The following ATRNL1 variants were observed in gnomAD, a reference collection of about 807,000 sequenced individuals.
ATRNL1 encodes the protein attractin-like protein 1.
ATRNL1 carries 95 observed loss-of-function variants against 182.7 expected under a neutral mutation model. The ratio of observed to expected loss-of-function variants is 0.52; its 90% CI spans 0.44 to 0.62. The LOEUF is 0.62. Ranked by LOEUF, ATRNL1 falls within the 20% of genes least tolerant of loss-of-function variation. The pLI is 0.00. For missense variants in ATRNL1, 1,471 were observed against 1,679.5 expected (o/e 0.88, Z 2.17); for synonymous variants, 576 against 568.3 (o/e 1.01, Z -0.19).
intron 20 of ATRNL1, among the ~76,000 whole-genome samples, chr10:115,407,531 G>A (rs879983757): frequency 6.6e-6 from 1 of 151,746 alleles, no homozygotes; most frequent in Non-Finnish European, 1.5e-5. Context: ...ATGTCTTCCA[G>A]TTCCATCCAT....
intron 15 of ATRNL1, among the ~76,000 whole-genome samples, chr10:115,299,514 G>A (rs568082309): frequency 4.6e-5 from 7 of 152,142 alleles, no homozygotes; most frequent in African/African-American, 1.7e-4. Context: ...GAGAGAGGCA[G>A]TTATTCTTCT....
chr10:115,668,849 T>C (rs979723679), intron 26 of ATRNL1, among the ~76,000 whole-genome samples: 1 of 152,126 alleles, frequency 6.6e-6, no homozygotes, highest in Non-Finnish European at 1.5e-5. Context: ...GTTTTAACAA[T>C]TGAAATTTAA....
chr10:115,153,455 C>G lies in ATRNL1; in HGVS notation c.830-6585C>G, dbSNP rs1175171083. Among the ~76,000 whole-genome samples, 97 of 152,206 alleles carry G rather than the reference C, an allele frequency of 6.4e-4. 1 individual carries two copies. The highest frequency in any genetic ancestry group is 2.3e-3 in the African/African-American group (95 of 41,516). On this transcript the variant is annotated intron_variant, in intron 5 of 28. Coordinates refer to ENST00000355044, the MANE Select transcript of ATRNL1 (RefSeq NM_207303.4). ...TTAGTCTTGGGAGGGTGTATGTGTCCAGGAATTTATCCATTTCTTCTAGAT... is the reference window on the plus strand; with the variant it reads ...TTAGTCTTGGGAGGGTGTATGTGTCGAGGAATTTATCCATTTCTTCTAGAT...
At chr10:115,726,893 A>G (rs1317985891) in intron 26 of ATRNL1, among the ~76,000 whole-genome samples, 1 of 150,340 alleles carries the variant, frequency 6.7e-6, no homozygotes, top group Non-Finnish European at 1.5e-5. Flanking sequence ...CAAAAATCTG[A>G]GTTATTTTGA....
intron 28 of ATRNL1, among the ~76,000 whole-genome samples, chr10:115,897,387 C>T (rs1555112750): frequency 6.6e-6 from 1 of 152,110 alleles, no homozygotes. Context: ...CTAGCAACCC[C>T]TCTTAGGAAT....
intron 28 of ATRNL1, among the ~76,000 whole-genome samples, chr10:115,862,803 A>G (rs1951345603): frequency 6.6e-6 from 1 of 152,228 alleles, no homozygotes; most frequent in African/African-American, 2.4e-5. Context: ...AACCTGAATG[A>G]CCATACATAG....
chr10:115,256,435 A>T (rs575662135), intron 10 of ATRNL1, among the ~76,000 whole-genome samples: 1 of 152,062 alleles, frequency 6.6e-6, no homozygotes, highest in African/African-American at 2.4e-5. Context: ...AGAGGTGTTT[A>T]TAGTATTCTC....
At chr10:115,408,579 T>C (rs1298110153) in intron 20 of ATRNL1, among the ~76,000 whole-genome samples, 1 of 152,130 alleles carries the variant, frequency 6.6e-6, no homozygotes, top group East Asian at 1.9e-4. Flanking sequence ...TTGATATAGT[T>C]ATATTTGTTA....
chr10:115,112,459 C>A (rs1181608856), intron 1 of ATRNL1, among the ~76,000 whole-genome samples: 3 of 152,064 alleles, frequency 2.0e-5, no homozygotes, highest in African/African-American at 4.8e-5. Flanking sequence ...AAACTCATAC[C>A]AAATTGTTAT....
At chr10:115,231,994 A>T (rs946748192) in intron 9 of ATRNL1, among the ~76,000 whole-genome samples, 1 of 152,136 alleles carries the variant, frequency 6.6e-6, no homozygotes, top group African/African-American at 2.4e-5. Flanking sequence ...GTGCGAACGC[A>T]GAGTCTTTTT....
At chr10:115,807,922 A>G (rs1417799042) in intron 27 of ATRNL1, among the ~76,000 whole-genome samples, 1 of 152,126 alleles carries the variant, frequency 6.6e-6, no homozygotes, top group Non-Finnish European at 1.5e-5. Context: ...GTCGGTTTTA[A>G]TTTCCCGAGT....
intron 27 of ATRNL1, among the ~76,000 whole-genome samples, chr10:115,728,436 T>C (rs1947684017): frequency 6.6e-6 from 1 of 152,088 alleles, no homozygotes; most frequent in African/African-American, 2.4e-5. Flanking sequence ...AAGATATATT[T>C]AAGTAGAAAG....
chr10:115,727,155 C>A, intron 26 of ATRNL1, 93 bp from the exon 27 acceptor site: 1 of 834,432 alleles, frequency 1.2e-6, no homozygotes, highest in Non-Finnish European at 2.0e-6. Flanking sequence ...CCTAACTTTT[C>A]AATGCCATTT....
intron 28 of ATRNL1, among the ~76,000 whole-genome samples, chr10:115,890,432 G>C (rs980262517): frequency 2.0e-5 from 3 of 152,148 alleles, no homozygotes; most frequent in African/African-American, 4.8e-5. Flanking sequence ...CCGAATCTTT[G>C]TTAAGATTTG....
chr10:115,253,814 T>G (rs553947473), intron 10 of ATRNL1, among the ~76,000 whole-genome samples: 2 of 151,844 alleles, frequency 1.3e-5, no homozygotes, highest in Admixed American at 6.6e-5. Flanking sequence ...ACAGGCCCCA[T>G]TGTGTGATGT....
intron 5 of ATRNL1, among the ~76,000 whole-genome samples, chr10:115,132,528 C>G (rs1439992542): frequency 1.3e-5 from 2 of 152,148 alleles, no homozygotes; most frequent in Non-Finnish European, 2.9e-5. Flanking sequence ...AATGGTTGAA[C>G]TAGTTTACAG....
At position 115,231,017 on chromosome 10, in the gene ATRNL1, A is replaced by C. The variant is rs1480421965; in HGVS notation, c.1533-10554A>C. ...TTGGGATGATGAATTTTGTGGGAGA[A>C]GTAGGTTTGGTGTCAGGAAGAATGG... On this transcript the variant is annotated intron_variant, in intron 9 of 28. Transcript: ENST00000355044. Among the ~76,000 whole-genome samples, 8 of 151,842 alleles carry C rather than the reference A, an allele frequency of 5.3e-5. No homozygotes were observed. The South Asian group carries it at 1.7e-3, about 32-fold the overall frequency.
intron 27 of ATRNL1, among the ~76,000 whole-genome samples, chr10:115,781,885 T>C (rs977961835): frequency 6.6e-6 from 1 of 152,184 alleles, no homozygotes; most frequent in Non-Finnish European, 1.5e-5. Context: ...ATCGGCCAGA[T>C]TGGGTAATTA....
intron 24 of ATRNL1, among the ~76,000 whole-genome samples, chr10:115,500,148 C>T (rs1849749064): frequency 6.6e-6 from 1 of 152,092 alleles, no homozygotes; most frequent in Admixed American, 6.6e-5. Flanking sequence ...TGAAGTCCAT[C>T]CATCAGTAGG....
Sources: gnomAD v4.1 joint callset for allele counts (sites outside exome capture counted in the v4.1 genomes callset) on GRCh38, gnomAD v4.1.1 for gene constraint, MANE v1.5 for transcripts, NCBI Gene and HGNC (gene_info 2026-07-23, HGNC 2026-07-21) for gene names.